The following PPP4R3A variants were observed in gnomAD, a reference collection of about 807,000 sequenced individuals.
PPP4R3A encodes protein phosphatase 4 regulatory subunit 3A, also known as serine/threonine-protein phosphatase 4 regulatory subunit 3A.
Under a neutral mutation model 91.7 loss-of-function variants are expected in PPP4R3A, and 15 were observed. The observed-to-expected ratio is 0.16, with a 90% CI of 0.11 to 0.25. The LOEUF (loss-of-function observed/expected upper bound fraction) is 0.25, where lower values mean the gene tolerates loss of function less well. Ranked by LOEUF, PPP4R3A falls within the 10% of genes least tolerant of loss-of-function variation. The pLI, the probability that PPP4R3A is intolerant of heterozygous loss-of-function variation, is 1.00. For missense variants in PPP4R3A, 623 were observed against 998.4 expected (o/e 0.62, Z 5.07); for synonymous variants, 377 against 348.7 (o/e 1.08, Z -0.91).
chr14:91,498,684 G>C (rs917991868), intron 1 of PPP4R3A, among the ~76,000 whole-genome samples: 6 of 151,928 alleles, frequency 3.9e-5, no homozygotes, highest in Non-Finnish European at 7.4e-5. Context: ...GGAGGCAGAG[G>C]CAGGTGGATC....
chr14:91,507,606 C>A (rs60838790), intron 1 of PPP4R3A, among the ~76,000 whole-genome samples: 1 of 41,168 alleles, frequency 2.4e-5, no homozygotes, highest in Admixed American at 2.8e-4. Context: ...GTTATACATA[C>A]TATAGTTATA....
chr14:91,486,506 A>G (rs1889890624), intron 2 of PPP4R3A, among the ~76,000 whole-genome samples: 1 of 152,208 alleles, frequency 6.6e-6, no homozygotes, highest in South Asian at 2.1e-4. Flanking sequence ...TTTAATGAAC[A>G]GTTCAACAGT....
At chr14:91,474,132 A>G (rs1413224950) in intron 7 of PPP4R3A, among the ~76,000 whole-genome samples, 1 of 152,210 alleles carries the variant, frequency 6.6e-6, no homozygotes, top group East Asian at 1.9e-4. Context: ...TCCATTTGTA[A>G]AAGTGATATA....
intron 1 of PPP4R3A, among the ~76,000 whole-genome samples, chr14:91,508,259 C>T (rs1367183089): frequency 6.6e-6 from 1 of 152,132 alleles, no homozygotes; most frequent in East Asian, 1.9e-4. Flanking sequence ...AACCTTATAA[C>T]CTGTGGGCAA....
rs549919322 is a variant in PPP4R3A at position 91,472,065 on chromosome 14, C to CAAAA, written c.1501+964_1501+967dup. Among the ~76,000 whole-genome samples the CAAAA allele has an allele frequency of 4.9e-3, 344 of 70,232 alleles. 7 individuals carry two copies. Among genetic ancestry groups the CAAAA allele is most frequent in the African/African-American group, 0.018 (319 of 17,760 alleles). 46.1% of individuals were successfully genotyped at this position (70,232 alleles called of 152,430 possible). Reference sequence around the variant, plus strand: ...GGGCAACAGAGCAAGATTCTGTCTCCAAAAAAAAAAAAAAAAAAAAAAATT... The same window carrying CAAAA: ...GGGCAACAGAGCAAGATTCTGTCTCCAAAAAAAAAAAAAAAAAAAAAAAAAAATT... On this transcript the variant is annotated intron_variant, in intron 9 of 14. Transcript: ENST00000554943.
chr14:91,461,331 G>A, intron 14 of PPP4R3A, 50 bp downstream of exon 14: 2 of 1,532,934 alleles, frequency 1.3e-6, no homozygotes, highest in South Asian at 1.1e-5. Flanking sequence ...TTATTGTTGA[G>A]AAAGCTTCAA....
intron 6 of PPP4R3A, 123 bp from the exon 7 acceptor site, chr14:91,476,089 T>A: frequency 1.1e-6 from 1 of 897,712 alleles, no homozygotes; most frequent in South Asian, 2.2e-5. Flanking sequence ...GTCAAAGAAA[T>A]TCTTCTGCAT....
chr14:91,462,176 TTCTTCA>T lies in PPP4R3A; in HGVS notation c.2031_2036del (p.Asp677_Glu678del). On this transcript the variant is annotated inframe_deletion, in exon 13 of 15. Transcript: ENST00000554943. ...CTTCATCTGTGTTAAACCACATCTC[TTCTTCA>T]TCTTCTAGTGTTCTGGCATCTCTTC... 1 of 1,608,976 alleles carries T rather than the reference TTCTTCA, an allele frequency of 6.2e-7. No individual in the cohort carries two copies. The highest frequency in any genetic ancestry group is 8.5e-7 in the Non-Finnish European group (1 of 1,178,390).
At chr14:91,485,056 T>G (rs1400280546) in intron 3 of PPP4R3A, among the ~76,000 whole-genome samples, 1 of 152,244 alleles carries the variant, frequency 6.6e-6, no homozygotes, top group East Asian at 1.9e-4. Flanking sequence ...CAAGAAGTTA[T>G]GAACAAAGAG....
At chr14:91,504,408 C>T (rs901980606) in intron 1 of PPP4R3A, among the ~76,000 whole-genome samples, 1 of 151,250 alleles carries the variant, frequency 6.6e-6, no homozygotes, top group Non-Finnish European at 1.5e-5. Context: ...TCGAGATCGG[C>T]CTGGCCAACA....
At chr14:91,478,345 C>T (rs1237841126) in intron 4 of PPP4R3A, among the ~76,000 whole-genome samples, 2 of 152,178 alleles carry the variant, frequency 1.3e-5, no homozygotes, top group Non-Finnish European at 2.9e-5. Context: ...GTTTATGGTA[C>T]TACAAAGGAA....
intron 1 of PPP4R3A, among the ~76,000 whole-genome samples, chr14:91,507,481 T>TATATATACTATAA (rs1271438359): frequency 9.3e-6 from 1 of 107,090 alleles, no homozygotes; most frequent in African/African-American, 4.1e-5. Context: ...TATACTATAG[T>TATATATACTATAA]TATATATACT....
chr14:91,484,448 CA>C (rs1728036342), intron 3 of PPP4R3A, among the ~76,000 whole-genome samples: 1 of 152,150 alleles, frequency 6.6e-6, no homozygotes, highest in Non-Finnish European at 1.5e-5. Flanking sequence ...ACAGCCCCTC[CA>C]TTCATTTATG....
intron 11 of PPP4R3A, among the ~76,000 whole-genome samples, chr14:91,464,355 T>C (rs56150402): frequency 0.019 from 2,619 of 134,542 alleles, 76 homozygotes; most frequent in African/African-American, 0.067. Flanking sequence ...AAAAGCATGT[T>C]ACAGAAAAGT....
chr14:91,471,476 TTA>T (rs1274189525), intron 9 of PPP4R3A, among the ~76,000 whole-genome samples: 1 of 152,190 alleles, frequency 6.6e-6, no homozygotes, highest in East Asian at 1.9e-4. Context: ...CTATACTGAA[TTA>T]TAATCATTGA....
At chr14:91,507,338 CATATTATATATACTAT>C (rs1216602124) in intron 1 of PPP4R3A, among the ~76,000 whole-genome samples, 3 of 86,750 alleles carry the variant, frequency 3.5e-5, no homozygotes, top group Admixed American at 1.3e-4. Context: ...AAAATCTATA[CATATTATATATACTAT>C]ATAGTATATA....
At position 91,509,757 on chromosome 14, in the gene PPP4R3A, G is replaced by C; in HGVS notation, c.-110C>G. 7.6e-7 allele frequency: 1 copy of C among 1,316,922 alleles called. No individual in the cohort carries two copies. Among genetic ancestry groups the C allele is most frequent in the Non-Finnish European group, 9.6e-7 (1 of 1,038,914 alleles). 81.6% of individuals were successfully genotyped at this position (1,316,922 alleles called of 1,614,324 possible). A position where few individuals can be genotyped will look rare whatever the true frequency, so the allele number is the denominator to read the frequency against. ...GGCGCCCGCGAGCGGAGGGCTCCCCGGCCTCACTGCCGCCGCTGGGCGCCG... is the reference window on the plus strand; with the variant it reads ...GGCGCCCGCGAGCGGAGGGCTCCCCCGCCTCACTGCCGCCGCTGGGCGCCG... On this transcript the variant is annotated 5_prime_UTR_variant, in exon 1 of 15. Transcript: ENST00000554943.
intron 10 of PPP4R3A, among the ~76,000 whole-genome samples, chr14:91,467,874 C>A (rs1016131947): frequency 6.6e-6 from 1 of 152,110 alleles, no homozygotes; most frequent in African/African-American, 2.4e-5. Flanking sequence ...TATATGTGCA[C>A]CTAAACTTAA....
rs541742566 is a variant in PPP4R3A at position 91,458,886 on chromosome 14, A to C, written c.2392-17T>G. The C allele has an allele frequency of 6.3e-7, 1 of 1,581,984 alleles. No homozygotes were observed. Among genetic ancestry groups the C allele is most frequent in the Admixed American group, 1.9e-5 (1 of 53,892 alleles). ...GAGGCCTCCCTGTTAAGAAATAAGG[A>C]TTATTTAAAGAACAGAAAATAAAAC... On this transcript the variant is annotated splice_polypyrimidine_tract_variant and intron_variant, in intron 14 of 14. Coordinates refer to ENST00000554943, the MANE Select transcript of PPP4R3A (RefSeq NM_001366432.2).
Sources: allele counts gnomAD v4.1 joint callset (sites outside exome capture counted in the v4.1 genomes callset), GRCh38; gene constraint gnomAD v4.1.1; transcripts MANE v1.5; gene names NCBI Gene and HGNC (gene_info 2026-07-23, HGNC 2026-07-21).